FAM110B: variants seen among roughly 807,000 people sequenced by gnomAD.
FAM110B encodes family with sequence similarity 110 member B, also known as protein FAM110B.
Under a neutral mutation model 20.4 loss-of-function variants are expected in FAM110B, and 6 were observed. That is an observed-to-expected ratio of 0.29 (90% CI 0.16 to 0.58). The LOEUF (loss-of-function observed/expected upper bound fraction) is 0.58, where lower values mean the gene tolerates loss of function less well. Among genes scored for constraint, FAM110B ranks in the 20% least tolerant of loss-of-function variants. The pLI is 0.90. For synonymous variants in FAM110B, 226 were observed against 214.1 expected (o/e 1.06, Z -0.49); for missense variants, 434 against 498.2 (o/e 0.87, Z 1.23).
chr8:58,082,479 G>A (rs916357575), intron 3 of FAM110B, among the ~76,000 whole-genome samples: 1 of 152,124 alleles, frequency 6.6e-6, no homozygotes, highest in Non-Finnish European at 1.5e-5. Flanking sequence ...TGTCCTCAGA[G>A]TTCCTTATGA....
intron 2 of FAM110B, among the ~76,000 whole-genome samples, chr8:58,041,962 G>A (rs1805229020): frequency 6.6e-6 from 1 of 152,192 alleles, no homozygotes; most frequent in African/African-American, 2.4e-5. Flanking sequence ...CAGGGTTCTC[G>A]CTTCAGTTCT....
chr8:58,146,480 C>T lies in FAM110B; in HGVS notation c.250C>T (p.Pro84Ser), dbSNP rs1357319815. 3 of 1,613,626 alleles carry T rather than the reference C, an allele frequency of 1.9e-6. No individual in the cohort carries two copies. The highest frequency in any genetic ancestry group is 2.5e-6 in the Non-Finnish European group (3 of 1,179,758). Residue 84 changes from proline to serine, a missense_variant, in exon 4 of 4, where the codon CCG becomes TCG. Physicochemically the swap from Pro to Ser is moderately conservative, Grantham distance 74. Transcript: ENST00000519262. ...PVKPAVLAKP[P>S]VCPAAKRALG... ...GAAGCCCGCCGTGCTGGCCAAGCCC[C>T]CGGTGTGCCCGGCTGCCAAGCGCGC...
intron 3 of FAM110B, among the ~76,000 whole-genome samples, chr8:58,129,922 T>G (rs113545110): frequency 1.3e-5 from 2 of 152,324 alleles, no homozygotes; most frequent in African/African-American, 4.8e-5. Context: ...ATTGCAATGA[T>G]TTTTTTAATG....
rs540610055 is a variant in FAM110B, at chr8:58,077,649, A to T, written c.-325+2026A>T. On this transcript the variant is annotated intron_variant, in intron 3 of 3. Coordinates refer to ENST00000519262, the MANE Select transcript of FAM110B (RefSeq NM_001377989.1). ...GTGGGGGTATAGGGAAAGTAACAAG[A>T]CAGAGCAATGGAGATACCTGATATA... is the stretch of plus-strand genomic sequence containing the variant. Among the ~76,000 whole-genome samples, 7 of 152,328 alleles carry T rather than the reference A, an allele frequency of 4.6e-5. No individual in the cohort carries two copies. The East Asian group carries it at 1.4e-3, about 29-fold the overall frequency.
At chr8:58,012,064 C>T (rs1804548138) in intron 1 of FAM110B, among the ~76,000 whole-genome samples, 1 of 152,174 alleles carries the variant, frequency 6.6e-6, no homozygotes, top group Non-Finnish European at 1.5e-5. Flanking sequence ...GCACTTTACA[C>T]ACCTTTAACA....
chr8:58,041,594 C>T (rs1805221719), intron 2 of FAM110B, among the ~76,000 whole-genome samples: 1 of 152,194 alleles, frequency 6.6e-6, no homozygotes, highest in East Asian at 1.9e-4. Flanking sequence ...GAAATCATAA[C>T]ACATGGGGAG....
chr8:58,138,231 C>G (rs1803665428), intron 3 of FAM110B, among the ~76,000 whole-genome samples: 1 of 152,232 alleles, frequency 6.6e-6, no homozygotes, highest in Admixed American at 6.5e-5. Context: ...GCAGCCACGC[C>G]TCTGCTCAGC....
At chr8:58,126,595 C>G (rs756929748) in intron 3 of FAM110B, among the ~76,000 whole-genome samples, 6 of 151,906 alleles carry the variant, frequency 3.9e-5, no homozygotes, top group African/African-American at 9.7e-5. Context: ...TTTTTTTAAT[C>G]TTACTTGTTC....
At chr8:58,043,407 G>T (rs1433908035) in intron 2 of FAM110B, 1 of 152,018 alleles carries the variant, frequency 6.6e-6, no homozygotes. Flanking sequence ...AAACTTCCCT[G>T]TTAATCAAGA....
intron 2 of FAM110B, among the ~76,000 whole-genome samples, chr8:58,034,599 C>T (rs1054252559): frequency 3.3e-5 from 5 of 152,132 alleles, no homozygotes; most frequent in African/African-American, 9.7e-5. Flanking sequence ...CCAGCCTATT[C>T]ATCCATCAAA....
intron 3 of FAM110B, among the ~76,000 whole-genome samples, chr8:58,086,425 T>C (rs73682138): frequency 0.021 from 3,185 of 152,338 alleles, 59 homozygotes; most frequent in South Asian, 0.083. Context: ...TACATGTTTA[T>C]AGTATCTTAT....
intron 3 of FAM110B, among the ~76,000 whole-genome samples, chr8:58,103,553 C>T (rs1333976237): frequency 2.0e-5 from 3 of 152,180 alleles, no homozygotes; most frequent in African/African-American, 7.2e-5. Flanking sequence ...CCTTCCCAGA[C>T]ATATCAGTCA....
rs554832705 is a variant in FAM110B, at chr8:58,002,980, A to G, written c.-512+8174A>G. Among the ~76,000 whole-genome samples, 90 of 152,288 alleles carry G rather than the reference A, an allele frequency of 5.9e-4. 1 individual carries two copies. Among genetic ancestry groups the G allele is most frequent in the Non-Finnish European group, 1.1e-3 (76 of 68,024 alleles). On this transcript the variant is annotated intron_variant, in intron 1 of 3. Transcript: ENST00000519262. ...CTTTCACCAAAGATTTCTCTAGAGC[A>G]TGTGTTGCTGTTTGATAGCACTTTC...
intron 3 of FAM110B, among the ~76,000 whole-genome samples, chr8:58,108,665 C>T (rs1454781271): frequency 6.6e-6 from 1 of 152,214 alleles, no homozygotes; most frequent in Non-Finnish European, 1.5e-5. Context: ...CGTCCTCAGG[C>T]GCCAGCTCCT....
intron 1 of FAM110B, among the ~76,000 whole-genome samples, chr8:58,018,185 G>T (rs1332837946): frequency 1.3e-5 from 2 of 152,076 alleles, no homozygotes; most frequent in African/African-American, 4.8e-5. Context: ...ATTGAGTGCA[G>T]AGTGCTAAAA....
chr8:58,016,999 C>G (rs927510350), intron 1 of FAM110B, among the ~76,000 whole-genome samples: 2 of 152,064 alleles, frequency 1.3e-5, no homozygotes, highest in East Asian at 1.9e-4. Flanking sequence ...GACTGAGGCT[C>G]GAAACAGCAC....
chr8:58,016,867 G>T lies in FAM110B; in HGVS notation c.-511-14739G>T, dbSNP rs148880670. Among the ~76,000 whole-genome samples the T allele has an allele frequency of 2.9e-4, 44 of 152,294 alleles. No individual in the cohort carries two copies. In the East Asian group the frequency reaches 7.5e-3, roughly 26 times the overall value. On this transcript the variant is annotated intron_variant, in intron 1 of 3. Transcript: ENST00000519262. ...AGAAGGTCAGATTTGAGCTGAATCAGATGTGCCTGCCTTCTAAGAGAAGGT... is the reference window on the plus strand; with the variant it reads ...AGAAGGTCAGATTTGAGCTGAATCATATGTGCCTGCCTTCTAAGAGAAGGT...
chr8:58,067,521 T>C (rs1263769296), intron 2 of FAM110B, among the ~76,000 whole-genome samples: 1 of 152,156 alleles, frequency 6.6e-6, no homozygotes, highest in Non-Finnish European at 1.5e-5. Context: ...AGCTCTTGAA[T>C]ATCTTTTGCC....
chr8:58,041,233 C>T (rs185796114), intron 2 of FAM110B, among the ~76,000 whole-genome samples: 3 of 152,184 alleles, frequency 2.0e-5, no homozygotes, highest in Admixed American at 6.5e-5. Flanking sequence ...AGCCACCGCG[C>T]GCAGCCGAAA....
Sources: gnomAD v4.1 joint callset for allele counts (sites outside exome capture counted in the v4.1 genomes callset) on GRCh38, gnomAD v4.1.1 for gene constraint, MANE v1.5 for transcripts, NCBI Gene and HGNC (gene_info 2026-07-23, HGNC 2026-07-21) for gene names.